The following TTC17 variants were observed in gnomAD, a reference collection of about 807,000 sequenced individuals.
TTC17 encodes the protein tetratricopeptide repeat domain 17.
Under a neutral mutation model 143.8 loss-of-function variants are expected in TTC17, and 58 were observed. The ratio of observed to expected loss-of-function variants is 0.40; its 90% CI spans 0.33 to 0.50. The LOEUF is 0.50. TTC17 is among the 20% of genes least tolerant of loss of function. The pLI is 0.49. For missense variants in TTC17, 1,273 were observed against 1,392.5 expected (o/e 0.91, Z 1.37); for synonymous variants, 501 against 497.8 (o/e 1.01, Z -0.09).
At chr11:43,380,974 A>AT (rs1205735603) in intron 2 of TTC17, among the ~76,000 whole-genome samples, 5 of 151,518 alleles carry the variant, frequency 3.3e-5, no homozygotes, top group Admixed American at 2.0e-4. Flanking sequence ...GCAGAAAAAA[A>AT]TTTTTTTTTC....
chr11:43,458,769 T>A (rs1299890487), intron 21 of TTC17, among the ~76,000 whole-genome samples: 1 of 152,170 alleles, frequency 6.6e-6, no homozygotes, highest in Admixed American at 6.5e-5. Context: ...CAACTGAGGT[T>A]CAAAAATAGA....
chr11:43,404,813 A>G (rs1455046504), intron 11 of TTC17, among the ~76,000 whole-genome samples: 2 of 152,204 alleles, frequency 1.3e-5, no homozygotes, highest in South Asian at 2.1e-4. Context: ...CCTCTGGTAC[A>G]TCTTATTTAT....
At chr11:43,433,651 A>T (rs1332498177) in intron 16 of TTC17, among the ~76,000 whole-genome samples, 1 of 152,206 alleles carries the variant, frequency 6.6e-6, no homozygotes, top group African/African-American at 2.4e-5. Context: ...TTCGTATTGC[A>T]TAAGTTTAAA....
chr11:43,450,036 C>T (rs1330044704), intron 19 of TTC17, 46 bp from the exon 20 acceptor site: 1 of 1,587,226 alleles, frequency 6.3e-7, no homozygotes, highest in Admixed American at 1.7e-5. Flanking sequence ...TCTTCCCACC[C>T]ACTCAAAAAT....
chr11:43,434,889 T>C (rs1017994372), intron 16 of TTC17, among the ~76,000 whole-genome samples: 2 of 152,200 alleles, frequency 1.3e-5, no homozygotes, highest in Non-Finnish European at 2.9e-5. Flanking sequence ...CCCCTTACTC[T>C]AAAGTCATTA....
intron 1 of TTC17, among the ~76,000 whole-genome samples, chr11:43,361,608 G>A (rs1856106979): frequency 6.6e-6 from 1 of 152,214 alleles, no homozygotes; most frequent in African/African-American, 2.4e-5. Context: ...TGGGCACTCA[G>A]TACAGTTGCT....
chr11:43,403,974 TG>T (rs1857993499), intron 10 of TTC17, 23 bp from the exon 11 acceptor site: 1 of 1,566,768 alleles, frequency 6.4e-7, no homozygotes, highest in Non-Finnish European at 8.6e-7. Context: ...TCAATTTGAT[TG>T]AACTTTTTGT....
chr11:43,397,891 T>A, intron 7 of TTC17, 83 bp from the exon 8 acceptor site: 1 of 1,487,460 alleles, frequency 6.7e-7, no homozygotes, highest in Non-Finnish European at 9.0e-7. Flanking sequence ...GTGGCTAACA[T>A]TTTTTTTTCC....
At chr11:43,403,222 G>C (rs769853778) in intron 10 of TTC17, among the ~76,000 whole-genome samples, 4 of 152,144 alleles carry the variant, frequency 2.6e-5, no homozygotes, top group African/African-American at 4.8e-5. Flanking sequence ...TCTCAAGACC[G>C]ATCATTTGAA....
chr11:43,446,102 A>C (rs1408514112), intron 18 of TTC17: 2 of 1,455,012 alleles, frequency 1.4e-6, no homozygotes, highest in Non-Finnish European at 1.8e-6. Flanking sequence ...TGTGGTGTAC[A>C]AGACCCTTTA....
At chr11:43,396,476 C>T (rs982961211) in intron 5 of TTC17, 6 of 288,538 alleles carry the variant, frequency 2.1e-5, no homozygotes, top group Admixed American at 1.0e-4. Context: ...GTTGGATGGT[C>T]TCTATATGAA....
At chr11:43,491,230 C>T (rs72902715) in intron 22 of TTC17, 14,179 of 152,272 alleles carry the variant, frequency 0.093, 803 homozygotes, top group Middle Eastern at 0.16. Flanking sequence ...TCTGTTTCTT[C>T]TGTGTCTGCT....
intron 1 of TTC17, among the ~76,000 whole-genome samples, chr11:43,372,482 T>TTTTA (rs368350167): frequency 0.15 from 21,523 of 145,874 alleles, 3,310 homozygotes; most frequent in African/African-American, 0.39. Flanking sequence ...TATTTTTATT[T>TTTTA]TTTATTTATT....
chr11:43,396,994 A>G (rs997293492), intron 6 of TTC17, 176 bp downstream of exon 6: 13 of 480,680 alleles, frequency 2.7e-5, no homozygotes, highest in South Asian at 5.1e-5. Flanking sequence ...CAAAAAGTTC[A>G]AAGTGATAAT....
intron 18 of TTC17, among the ~76,000 whole-genome samples, chr11:43,447,060 C>A (rs1008179095): frequency 6.6e-6 from 1 of 152,152 alleles, no homozygotes; most frequent in Admixed American, 6.5e-5. Flanking sequence ...TGGCTCACAT[C>A]TGTAATCCCA....
chr11:43,373,634 T>C (rs1856655793), intron 1 of TTC17, among the ~76,000 whole-genome samples: 1 of 152,192 alleles, frequency 6.6e-6, no homozygotes, highest in Non-Finnish European at 1.5e-5. Flanking sequence ...TAAAAGAAGC[T>C]TTTAACAACA....
At position 43,450,218 on chromosome 11, in the gene TTC17, A is replaced by C. The variant is rs1395654000; in HGVS notation, c.2923A>C (p.Thr975Pro). ...TTCCAACCGAGCCAGCCTGCACTAC[A>C]CAGGGGAGAGTCAGTTAACAGAGGT... ...GVSNRASLHY[T>P]GESQLTEVLQ... Residue 975 changes from threonine to proline, a missense_variant, in exon 20 of 24, where the codon ACA (threonine) becomes CCA (proline). Coordinates refer to ENST00000039989, the MANE Select transcript of TTC17 (RefSeq NM_018259.6). 2 of 1,614,050 alleles carry C rather than the reference A, an allele frequency of 1.2e-6. No individual in the cohort carries two copies. Among genetic ancestry groups the C allele is most frequent in the Non-Finnish European group, 1.7e-6 (2 of 1,179,954 alleles).
At chr11:43,470,302 C>T (rs550503170) in intron 21 of TTC17, among the ~76,000 whole-genome samples, 35 of 152,280 alleles carry the variant, frequency 2.3e-4, no homozygotes, top group Non-Finnish European at 4.1e-4. Flanking sequence ...TCTGCCCACC[C>T]GCATTTTCTG....
rs1857436285 is a variant in TTC17 at position 43,392,717 on chromosome 11, T to G, written c.663+765T>G. Among the ~76,000 whole-genome samples the G allele has an allele frequency of 2.6e-5, 4 of 152,334 alleles. No individual in the cohort carries two copies. In the South Asian group the frequency reaches 6.2e-4, roughly 24 times the overall value. On this transcript the variant is annotated intron_variant, in intron 5 of 23. Coordinates refer to ENST00000039989, the MANE Select transcript of TTC17 (RefSeq NM_018259.6). ...TATTTTTCTGAAGGTAATGTAAAAC[T>G]TTTACATTCCCAGAACTTGATGAGT...
Sources: allele counts gnomAD v4.1 joint callset (sites outside exome capture counted in the v4.1 genomes callset), GRCh38; gene constraint gnomAD v4.1.1; transcripts MANE v1.5; gene names NCBI Gene and HGNC (gene_info 2026-07-23, HGNC 2026-07-21).